Variants in GSN observed in about 807,000 individuals in gnomAD.
GSN encodes the protein gelsolin, also known as actin-depolymerizing factor.
GSN carries 56 observed loss-of-function variants against 85.7 expected under a neutral mutation model. The ratio of observed to expected loss-of-function variants is 0.65; its 90% CI spans 0.53 to 0.82. GSN has a LOEUF of 0.82. GSN is among the 40% of genes least tolerant of loss of function. The pLI, the probability that GSN is intolerant of heterozygous loss-of-function variation, is 0.00. For synonymous variants in GSN, 373 were observed against 399.1 expected (o/e 0.93, Z 0.78); for missense variants, 857 against 979.8 (o/e 0.87, Z 1.67).
chr9:121,263,088 G>A (rs755006876), upstream of GSN, among the ~76,000 whole-genome samples: 10 of 152,158 alleles, frequency 6.6e-5, no homozygotes, highest in Non-Finnish European at 1.2e-4. Flanking sequence ...GTCGAATGGG[G>A]GAAGCCCAGG....
chr9:121,252,450 T>C (rs527648732), intron 6 of GSN, among the ~76,000 whole-genome samples: 7 of 152,334 alleles, frequency 4.6e-5, no homozygotes, highest in African/African-American at 1.7e-4. Context: ...GAATGCTACA[T>C]ATGACGGAGA....
chr9:121,331,824 C>A (rs2063943449), intron 17 of GSN: 1 of 203,146 alleles, frequency 4.9e-6, no homozygotes, highest in Non-Finnish European at 1.0e-5. Flanking sequence ...GAGGCCAAGG[C>A]AGGAGGATCA....
Position 121,313,965 on chromosome 9 carries a change from G to A in GSN, c.695G>A (p.Gly232Asp). ...GGCCCCAAGCCGGCTCTGCCTGCAG[G>A]TACCGAGGACACCGCCAAGGAGGAT... Reference protein sequence around the residue: ...VLGPKPALPAGTEDTAKEDAA... With the variant: ...VLGPKPALPADTEDTAKEDAA... Residue 232 changes from glycine (G) to aspartate (D), a missense_variant, in exon 7 of 18, where the codon GGT (glycine) becomes GAT (aspartate). Gly to Asp is a moderately conservative substitution (Grantham distance 94). Transcript: ENST00000432226. The A allele has an allele frequency of 1.2e-6, 2 of 1,614,192 alleles. No individual in the cohort carries two copies. Among genetic ancestry groups the A allele is most frequent in the East Asian group, 4.5e-5 (2 of 44,892 alleles).
chr9:121,232,139 A>G (rs2054402182), intron 5 of GSN, among the ~76,000 whole-genome samples: 1 of 152,228 alleles, frequency 6.6e-6, no homozygotes, highest in South Asian at 2.1e-4. Context: ...GGGAGAGACC[A>G]GAAGATTTGA....
At chr9:121,263,803 C>G (rs2132285904), upstream of GSN, among the ~76,000 whole-genome samples, 1 of 150,448 alleles carries the variant, frequency 6.6e-6, no homozygotes, top group East Asian at 2.0e-4. Flanking sequence ...GCAGCAGAAT[C>G]GCTTGAACCT....
intron 6 of GSN, 77 bp downstream of exon 6, chr9:121,312,565 A>T: frequency 3.7e-5 from 38 of 1,039,694 alleles, no homozygotes; most frequent in East Asian, 1.2e-4. Context: ...AGGCAATTTG[A>T]GGTGAATTTG....
rs760942439 is a variant in GSN at position 121,318,450 on chromosome 9, G to T, written c.931G>T (p.Ala311Ser). The change falls in exon 9 of 18, where the codon GCC becomes TCC. Residue 311 changes from alanine to serine, a missense_variant. By Grantham distance (99) the Ala-to-Ser change is moderately conservative (BLOSUM62 1). Transcript: ENST00000432226. This position sits in a 1 kb window ranked among gnomAD's most constrained non-coding sequence, Gnocchi z 4.3. ...GGAGAGGAAGGCTGCCCTCAAAACAGCCTCTGACTTCATCACCAAGATGGA... is the reference window on the plus strand; with the variant it reads ...GGAGAGGAAGGCTGCCCTCAAAACATCCTCTGACTTCATCACCAAGATGGA... Reference protein sequence around the residue: ...TEERKAALKTASDFITKMDYP... With the variant: ...TEERKAALKTSSDFITKMDYP... 6.2e-7 allele frequency: 1 copy of T among 1,614,150 alleles called. No individual in the cohort carries two copies. The highest frequency in any genetic ancestry group is 2.2e-5 in the East Asian group (1 of 44,864).
At chr9:121,272,239 G>A (rs368386828) in intron 1 of GSN, among the ~76,000 whole-genome samples, 2 of 152,196 alleles carry the variant, frequency 1.3e-5, no homozygotes, top group Admixed American at 6.5e-5. Flanking sequence ...GCTCTCGTCT[G>A]CCCTGCCTGG....
chr9:121,275,047 A>G (rs1001244120), intron 1 of GSN, among the ~76,000 whole-genome samples: 2 of 152,242 alleles, frequency 1.3e-5, no homozygotes, highest in African/African-American at 4.8e-5. Context: ...TGAGAATGGC[A>G]GCATTCTTCA....
At chr9:121,266,183 C>A (rs1306796795), upstream of GSN, among the ~76,000 whole-genome samples, 3 of 152,176 alleles carry the variant, frequency 2.0e-5, no homozygotes, top group Admixed American at 2.0e-4. Context: ...AACCCTTTTG[C>A]TCTCCTGGCC....
intron 5 of GSN, among the ~76,000 whole-genome samples, chr9:121,247,863 A>C (rs894641714): frequency 1.3e-4 from 18 of 142,314 alleles, no homozygotes; most frequent in Middle Eastern, 3.7e-3. Context: ...AAGCAACCTC[A>C]CCCCCCCACC....
chr9:121,300,571 G>T (rs1279154140), intron 2 of GSN, among the ~76,000 whole-genome samples: 1 of 152,004 alleles, frequency 6.6e-6, no homozygotes, highest in Non-Finnish European at 1.5e-5. Flanking sequence ...ACTCCCACCA[G>T]ATCTCTTCTC....
intron 1 of GSN, among the ~76,000 whole-genome samples, chr9:121,271,206 T>C (rs1006143098): frequency 6.6e-6 from 1 of 152,174 alleles, no homozygotes; most frequent in South Asian, 2.1e-4. Context: ...CTGTCTCTAC[T>C]GAAAATACGT....
intron 4 of GSN, among the ~76,000 whole-genome samples, chr9:121,214,127 G>T (rs1321309325): frequency 6.6e-6 from 1 of 152,168 alleles, no homozygotes; most frequent in Non-Finnish European, 1.5e-5. Context: ...TGCCAGCTCA[G>T]GCACCTAGAA....
intron 4 of GSN, among the ~76,000 whole-genome samples, chr9:121,224,391 G>C (rs1464512983): frequency 1.3e-5 from 2 of 152,142 alleles, no homozygotes; most frequent in South Asian, 4.1e-4. Flanking sequence ...GAGCCACCGC[G>C]CCCGGTCTAT....
chr9:121,263,314 AAAT>A (rs1436729706), upstream of GSN, among the ~76,000 whole-genome samples: 6 of 152,350 alleles, frequency 3.9e-5, no homozygotes, highest in East Asian at 7.7e-4. Flanking sequence ...TAAATGGTGA[AAAT>A]AAGAGCACAG....
intron 2 of GSN, among the ~76,000 whole-genome samples, chr9:121,287,242 G>A (rs563213400): frequency 6.6e-6 from 1 of 152,268 alleles, no homozygotes; most frequent in East Asian, 1.9e-4. Flanking sequence ...CTGAGGACAG[G>A]GGGAGGAGTG....
chr9:121,260,519 T>C (rs1265907159), intron 6 of GSN, among the ~76,000 whole-genome samples: 1 of 152,202 alleles, frequency 6.6e-6, no homozygotes, highest in Non-Finnish European at 1.5e-5. Flanking sequence ...ATGAGACAAA[T>C]GCTCTCTGGT....
At chr9:121,230,585 G>A (rs1048507057) in intron 4 of GSN, among the ~76,000 whole-genome samples, 1 of 152,190 alleles carries the variant, frequency 6.6e-6, no homozygotes, top group Non-Finnish European at 1.5e-5. Flanking sequence ...TAAGACTCAA[G>A]CAGATTCAGC....
Sources: allele counts gnomAD v4.1 joint callset (sites outside exome capture counted in the v4.1 genomes callset), GRCh38; gene constraint gnomAD v4.1.1; non-coding constraint Gnocchi (gnomAD v3.1); transcripts MANE v1.5; gene names NCBI Gene and HGNC (gene_info 2026-07-23, HGNC 2026-07-21).